Variants in AGBL1 observed in about 807,000 individuals in gnomAD.
AGBL1 encodes the protein cytosolic carboxypeptidase 4.
In AGBL1, 130 loss-of-function variants were observed where a neutral mutation model predicts 118.9. The observed-to-expected ratio is 1.09, with a 90% CI of 0.95 to 1.26. The LOEUF is 1.26. Ranked by LOEUF, AGBL1 falls within the 50% of genes most tolerant of loss-of-function variation. The probability of loss-of-function intolerance (pLI) is 0.00; values close to 1 mark genes in which losing one functional copy is unlikely to be tolerated. For synonymous variants in AGBL1, 555 were observed against 478.9 expected (o/e 1.16, Z -2.08); for missense variants, 1,584 against 1,298.1 (o/e 1.22, Z -3.38).
chr15:86,511,600 G>T (rs908675345), intron 18 of AGBL1, among the ~76,000 whole-genome samples: 1 of 152,016 alleles, frequency 6.6e-6, no homozygotes, highest in Non-Finnish European at 1.5e-5. Flanking sequence ...TTTCTCATGT[G>T]CAAAATGGAA....
intron 23 of AGBL1, among the ~76,000 whole-genome samples, chr15:86,954,608 C>T (rs1212409673): frequency 2.0e-5 from 3 of 152,054 alleles, no homozygotes; most frequent in Non-Finnish European, 4.4e-5. Context: ...TTGAGCACAC[C>T]TGGACATAAA....
intron 15 of AGBL1, among the ~76,000 whole-genome samples, chr15:86,275,267 A>G (rs938979124): frequency 5.9e-5 from 9 of 152,132 alleles, no homozygotes; most frequent in Admixed American, 2.0e-4. Context: ...GTGAGAGGAG[A>G]TGGAACAGCT....
At chr15:86,475,800 A>T (rs2082550490) in intron 18 of AGBL1, among the ~76,000 whole-genome samples, 1 of 152,212 alleles carries the variant, frequency 6.6e-6, no homozygotes, top group African/African-American at 2.4e-5. Context: ...AAATGAAGGA[A>T]AAAATGTTAA....
At chr15:86,570,863 C>T (rs2083996469) in intron 21 of AGBL1, among the ~76,000 whole-genome samples, 1 of 152,170 alleles carries the variant, frequency 6.6e-6, no homozygotes, top group African/African-American at 2.4e-5. Flanking sequence ...CTCGACCTGG[C>T]AGGCTGGACT....
intron 1 of AGBL1, among the ~76,000 whole-genome samples, chr15:86,127,818 T>A (rs1196747650): frequency 4.6e-5 from 7 of 152,184 alleles, no homozygotes. Flanking sequence ...TCTGTATTTT[T>A]TTTCAGTTAG....
chr15:86,749,294 T>C (rs912544477), intron 22 of AGBL1, among the ~76,000 whole-genome samples: 5 of 152,186 alleles, frequency 3.3e-5, no homozygotes, highest in Non-Finnish European at 7.3e-5. Flanking sequence ...AGGTCACTCA[T>C]GATTTTGCTC....
intron 23 of AGBL1, among the ~76,000 whole-genome samples, chr15:86,972,832 T>C (rs1401643939): frequency 2.0e-5 from 3 of 152,064 alleles, no homozygotes; most frequent in African/African-American, 7.2e-5. Context: ...ACTTAGTTTT[T>C]CACAATCTGA....
At chr15:86,336,561 T>A (rs4887434) in intron 17 of AGBL1, among the ~76,000 whole-genome samples, 1 of 151,964 alleles carries the variant, frequency 6.6e-6, no homozygotes, top group South Asian at 2.1e-4. Flanking sequence ...TTGATTGCCT[T>A]TATTATCCAG....
intron 7 of AGBL1, among the ~76,000 whole-genome samples, chr15:86,250,174 C>A (rs1433423330): frequency 2.0e-5 from 3 of 152,020 alleles, no homozygotes; most frequent in Non-Finnish European, 2.9e-5. Flanking sequence ...TGGGTGTCAA[C>A]CTCAAGAGGT....
chr15:86,735,855 C>T (rs547874541), intron 22 of AGBL1, among the ~76,000 whole-genome samples: 13 of 152,032 alleles, frequency 8.6e-5, no homozygotes, highest in Admixed American at 6.6e-4. Flanking sequence ...GGGTGCCGTA[C>T]CTCACAGGTG....
At chr15:86,286,301 C>A (rs1486851174) in intron 16 of AGBL1, among the ~76,000 whole-genome samples, 1 of 151,988 alleles carries the variant, frequency 6.6e-6, no homozygotes, top group African/African-American at 2.4e-5. Flanking sequence ...TTTATCATTT[C>A]TTTGTGGTGA....
chr15:86,869,417 T>G (rs999295200), intron 22 of AGBL1, among the ~76,000 whole-genome samples: 1 of 152,202 alleles, frequency 6.6e-6, no homozygotes, highest in Non-Finnish European at 1.5e-5. Context: ...ATGGTCATTT[T>G]CAGGGCTTTG....
Position 86,508,975 on chromosome 15 carries a change from C to T in AGBL1, c.2556-13835C>T, listed in dbSNP as rs369795347. On this transcript the variant is annotated intron_variant, in intron 18 of 22. Transcript: ENST00000614907. ...CCTAAGAAACAAACAATCAAAAATC[C>T]TGTGAGTTAAATACTGGTATCACCC... 1.5e-4 allele frequency among the ~76,000 whole-genome samples: 23 copies of T among 152,182 alleles called. No individual in the cohort carries two copies. The South Asian group carries it at 3.9e-3, about 26-fold the overall frequency.
At chr15:86,674,484 A>G (rs2085802964) in intron 22 of AGBL1, 48 bp downstream of exon 22, 1 of 1,562,758 alleles carries the variant, frequency 6.4e-7, no homozygotes, top group South Asian at 1.1e-5. Context: ...TGGTGGTTCC[A>G]TTGCTCAATA....
intron 17 of AGBL1, among the ~76,000 whole-genome samples, chr15:86,353,208 G>A (rs1391250875): frequency 6.6e-6 from 1 of 152,170 alleles, no homozygotes; most frequent in Non-Finnish European, 1.5e-5. Flanking sequence ...AAGTCAGTTG[G>A]ATTGGCTTTG....
chr15:86,760,770 G>A (rs529010225), intron 22 of AGBL1, among the ~76,000 whole-genome samples: 27 of 152,154 alleles, frequency 1.8e-4, no homozygotes, highest in African/African-American at 6.3e-4. Flanking sequence ...AAGTGAGGAC[G>A]TTGGCTGGTT....
chr15:86,540,333 C>A (rs965887867), intron 19 of AGBL1, among the ~76,000 whole-genome samples: 9 of 152,118 alleles, frequency 5.9e-5, no homozygotes, highest in African/African-American at 2.2e-4. Context: ...GTGGCTCACA[C>A]CTGTAATCCT....
At chr15:86,226,567 A>G (rs749414665) in intron 6 of AGBL1, among the ~76,000 whole-genome samples, 6 of 152,226 alleles carry the variant, frequency 3.9e-5, no homozygotes, top group Non-Finnish European at 8.8e-5. Flanking sequence ...CTCTGAAAGT[A>G]GTCTTATGTC....
At chr15:86,098,548 A>G (rs1226833705) in intron 1 of AGBL1, among the ~76,000 whole-genome samples, 2 of 152,082 alleles carry the variant, frequency 1.3e-5, no homozygotes, top group Non-Finnish European at 2.9e-5. Context: ...CAGCTTTCCC[A>G]CCACCATTTG....
Sources: gnomAD v4.1 joint callset for allele counts (sites outside exome capture counted in the v4.1 genomes callset) on GRCh38, gnomAD v4.1.1 for gene constraint, MANE v1.5 for transcripts, NCBI Gene and HGNC (gene_info 2026-07-23, HGNC 2026-07-21) for gene names.